TNFRSF8: variants seen among roughly 807,000 people sequenced by gnomAD.
The protein encoded by TNFRSF8 is tumor necrosis factor receptor superfamily member 8.
TNFRSF8 carries 26 observed loss-of-function variants against 70.8 expected under a neutral mutation model. The ratio of observed to expected loss-of-function variants is 0.37; its 90% CI spans 0.27 to 0.51. The LOEUF (loss-of-function observed/expected upper bound fraction) is 0.51, where lower values mean the gene tolerates loss of function less well. TNFRSF8 is among the 20% of genes least tolerant of loss of function. TNFRSF8 has a pLI of 0.94. For missense variants in TNFRSF8, 720 were observed against 807.9 expected (o/e 0.89, Z 1.32); for synonymous variants, 356 against 339.2 (o/e 1.05, Z -0.54).
At chr1:12,123,896 G>A in intron 10 of TNFRSF8, 69 bp downstream of exon 10, 1 of 1,355,372 alleles carries the variant, frequency 7.4e-7, no homozygotes, top group Non-Finnish European at 1.0e-6. Context: ...TGGATTGGGG[G>A]AGCCAGGAGG....
intron 2 of TNFRSF8, among the ~76,000 whole-genome samples, chr1:12,095,160 A>T (rs2100983001): frequency 6.6e-6 from 1 of 152,294 alleles, no homozygotes; most frequent in Admixed American, 6.5e-5. Flanking sequence ...AATCATAGAT[A>T]TTCTCAGATT....
Position 12,123,324 on chromosome 1 carries a change from G to A in TNFRSF8, c.987G>A (p.Leu329=). The change falls in exon 9 of 15, where the codon CTG becomes CTA. Residue 329 remains leucine (L), a synonymous_variant. Coordinates refer to ENST00000263932, the MANE Select transcript of TNFRSF8 (RefSeq NM_001243.5). ...EKDTTFEAPP[L]GTQPDCNPTP... ...ACACCACCTTTGAGGCGCCACCCCT[G>A]GGGACCCAGCCGGACTGCAACCCCA... 1.2e-6 allele frequency: 2 copies of A among 1,613,404 alleles called. No individual in the cohort carries two copies. Among genetic ancestry groups the A allele is most frequent in the Non-Finnish European group, 1.7e-6 (2 of 1,179,792 alleles).
rs755336581 is a variant in TNFRSF8 at position 12,126,250 on chromosome 1, C to T, written c.1309+14C>T. On this transcript the variant is annotated intron_variant, in intron 12 of 14. Transcript: ENST00000263932. The stretch of plus-strand genomic sequence containing the variant: ...TAGAGCTTGTGGGTGAGTGTCCAGC[C>T]GTCCAAAGGGGCTGCCCGAGCCAGA... The T allele has an allele frequency of 1.1e-5, 18 of 1,613,946 alleles. No homozygotes were observed. The African/African-American group carries it at 1.3e-4, about 12-fold the overall frequency.
Position 12,123,273 on chromosome 1 carries a change from C to A in TNFRSF8, c.947-11C>A, listed in dbSNP as rs1176000507. The A allele has an allele frequency of 6.2e-7, 1 of 1,607,784 alleles. No homozygotes were observed. The highest frequency in any genetic ancestry group is 8.5e-7 in the Non-Finnish European group (1 of 1,177,168). On this transcript the variant is annotated splice_polypyrimidine_tract_variant and intron_variant, in intron 8 of 14. Coordinates refer to ENST00000263932, the MANE Select transcript of TNFRSF8 (RefSeq NM_001243.5). ...TGGCGCTGGTTCTCAGATGTTACGT[C>A]CCCTCTGCAGATATGGCTGAGAAGG... is the stretch of plus-strand genomic sequence containing the variant.
intron 2 of TNFRSF8, among the ~76,000 whole-genome samples, chr1:12,093,610 C>T (rs1040524071): frequency 1.1e-4 from 16 of 151,882 alleles, no homozygotes; most frequent in African/African-American, 3.4e-4. Flanking sequence ...GCGCTATGCC[C>T]GCTCACTGCA....
intron 1 of TNFRSF8, among the ~76,000 whole-genome samples, chr1:12,068,001 G>A (rs922068069): frequency 6.6e-6 from 1 of 152,060 alleles, no homozygotes; most frequent in Non-Finnish European, 1.5e-5. Context: ...TAGTGCTCTG[G>A]GGTCAGGGAG....
At chr1:12,104,262 C>A in intron 3 of TNFRSF8, 117 bp from the exon 4 acceptor site, 3 of 1,091,616 alleles carry the variant, frequency 2.7e-6, no homozygotes, top group South Asian at 1.3e-5. Flanking sequence ...GGGGGTTGAG[C>A]TGGGAGGCGG....
At chr1:12,117,550 C>T (rs938244237) in intron 8 of TNFRSF8, among the ~76,000 whole-genome samples, 2 of 152,184 alleles carry the variant, frequency 1.3e-5, no homozygotes, top group African/African-American at 4.8e-5. Context: ...AGGCTGCCAG[C>T]TCACACTCTC....
chr1:12,129,978 T>C (rs935293639), intron 12 of TNFRSF8, among the ~76,000 whole-genome samples: 11 of 150,158 alleles, frequency 7.3e-5, no homozygotes, highest in South Asian at 4.2e-4. Flanking sequence ...GATCTCGGCT[T>C]ACTGCAACCC....
rs968288402 is a variant in TNFRSF8, at chr1:12,099,358, T to A, written c.268+2141T>A. On this transcript the variant is annotated intron_variant, in intron 3 of 14. Coordinates refer to ENST00000263932, the MANE Select transcript of TNFRSF8 (RefSeq NM_001243.5). ...TGGGGTTTCATCATGTTGCCCAGGCTGGTCTCAAACTCCTGACCTCAAGTG... is the reference window on the plus strand; with the variant it reads ...TGGGGTTTCATCATGTTGCCCAGGCAGGTCTCAAACTCCTGACCTCAAGTG... Among the ~76,000 whole-genome samples the A allele has an allele frequency of 3.3e-5, 5 of 152,130 alleles. No individual in the cohort carries two copies. The East Asian group carries it at 5.8e-4, about 18-fold the overall frequency.
intron 1 of TNFRSF8, among the ~76,000 whole-genome samples, chr1:12,072,275 G>A (rs1262423365): frequency 6.6e-6 from 1 of 152,188 alleles, no homozygotes; most frequent in East Asian, 1.9e-4. Flanking sequence ...TGTATGTGGG[G>A]CATTATGGAT....
chr1:12,101,987 T>C (rs562826878), intron 3 of TNFRSF8, among the ~76,000 whole-genome samples: 1 of 152,304 alleles, frequency 6.6e-6, no homozygotes, highest in East Asian at 1.9e-4. Context: ...CATTATGATC[T>C]TGTGGGACCA....
chr1:12,083,843 G>A (rs1641106336), intron 1 of TNFRSF8, among the ~76,000 whole-genome samples: 1 of 152,222 alleles, frequency 6.6e-6, no homozygotes, highest in Admixed American at 6.5e-5. Context: ...CCGATTGCAG[G>A]GGAATGGACT....
At chr1:12,117,271 C>G (rs759593991) in intron 8 of TNFRSF8, among the ~76,000 whole-genome samples, 3 of 151,956 alleles carry the variant, frequency 2.0e-5, no homozygotes, top group African/African-American at 7.3e-5. Flanking sequence ...TTAGTAGAGA[C>G]GGGGTTTTGC....
intron 8 of TNFRSF8, among the ~76,000 whole-genome samples, chr1:12,116,171 C>G (rs1044418903): frequency 6.6e-6 from 1 of 151,888 alleles, no homozygotes; most frequent in Admixed American, 6.6e-5. Flanking sequence ...AGAAGAGATG[C>G]GGTTTCTCCA....
intron 1 of TNFRSF8, among the ~76,000 whole-genome samples, chr1:12,081,913 G>A (rs1641070645): frequency 6.6e-6 from 1 of 152,106 alleles, no homozygotes; most frequent in South Asian, 2.1e-4. Context: ...GGATGCTGAA[G>A]ACATGGAAAT....
chr1:12,076,543 C>A (rs1272878555), intron 1 of TNFRSF8, among the ~76,000 whole-genome samples: 1 of 152,162 alleles, frequency 6.6e-6, no homozygotes, highest in African/African-American at 2.4e-5. Flanking sequence ...CAGGCTCCAC[C>A]CTCTATGCTG....
chr1:12,082,763 A>G (rs895952016), intron 1 of TNFRSF8, among the ~76,000 whole-genome samples: 4 of 152,188 alleles, frequency 2.6e-5, no homozygotes, highest in African/African-American at 9.7e-5. Flanking sequence ...TTTCTTAAAC[A>G]GGACAAAAAA....
chr1:12,126,629 C>A (rs1230356559), intron 12 of TNFRSF8, among the ~76,000 whole-genome samples: 1 of 152,202 alleles, frequency 6.6e-6, no homozygotes, highest in Non-Finnish European at 1.5e-5. Flanking sequence ...TTTCTCTTTC[C>A]CCTCTCTCCC....
Sources: gnomAD v4.1 joint callset for allele counts (sites outside exome capture counted in the v4.1 genomes callset) on GRCh38, gnomAD v4.1.1 for gene constraint, MANE v1.5 for transcripts, NCBI Gene and HGNC (gene_info 2026-07-23, HGNC 2026-07-21) for gene names.